The following CNGA3 variants were observed in gnomAD, a reference collection of about 807,000 sequenced individuals.
CNGA3 encodes cyclic nucleotide gated channel subunit alpha 3.
Under a neutral mutation model 46.6 loss-of-function variants are expected in CNGA3, and 42 were observed. The ratio of observed to expected loss-of-function variants is 0.90; its 90% CI spans 0.70 to 1.17. The LOEUF (loss-of-function observed/expected upper bound fraction) is 1.17. Ranked by LOEUF, CNGA3 falls within the 50% of genes most tolerant of loss-of-function variation. The pLI, the probability that CNGA3 is intolerant of heterozygous loss-of-function variation, is 0.00. For missense variants in CNGA3, 893 were observed against 890.7 expected, an observed-to-expected ratio of 1.00 and a Z score of -0.03; for synonymous variants, 394 against 369.4, an observed-to-expected ratio of 1.07 and a Z score of -0.76.
At chr2:98,365,326 C>G (rs1304174396) in intron 1 of CNGA3, among the ~76,000 whole-genome samples, 1 of 152,230 alleles carries the variant, frequency 6.6e-6, no homozygotes, top group East Asian at 1.9e-4. Context: ...CCTGTAATCC[C>G]TGCCCTTAAC....
At chr2:98,348,435 A>G (rs1691693523) in intron 1 of CNGA3, among the ~76,000 whole-genome samples, 1 of 152,220 alleles carries the variant, frequency 6.6e-6, no homozygotes, top group East Asian at 1.9e-4. Context: ...TCCAGTCGCC[A>G]TGGTACCCAG....
At chr2:98,394,957 A>C (rs542651192) in intron 7 of CNGA3, among the ~76,000 whole-genome samples, 1 of 152,260 alleles carries the variant, frequency 6.6e-6, no homozygotes, top group East Asian at 1.9e-4. Context: ...GAATATAACC[A>C]CTGGCCTCAT....
At chr2:98,367,190 T>TTTTTTC in intron 1 of CNGA3, among the ~76,000 whole-genome samples, 1 of 143,400 alleles carries the variant, frequency 7.0e-6, no homozygotes, top group East Asian at 2.0e-4. Flanking sequence ...TTTTTCTTTT[T>TTTTTTC]TTTTTTTTTT....
In CNGA3 at chr2:98,397,026, C is replaced by T. The variant is rs770308610; in HGVS notation, c.1856C>T (p.Ala619Val). ...CTGATCGATGAGGAGCTGGCCAGGG[C>T]GGGCGCGGACCCCAAGGACCTTGAG... is the stretch of plus-strand genomic sequence containing the variant. ...DNLIDEELAR[A>V]GADPKDLEEK... Residue 619 changes from alanine (A) to valine (V), a missense_variant, in exon 8 of 8, where the codon GCG becomes GTG. Ala to Val is a moderately conservative substitution (Grantham distance 64). This residue lies in a region of CNGA3 where 548 missense variants were observed against 570.8 expected (regional missense o/e 0.96). Coordinates refer to ENST00000272602, the MANE Select transcript of CNGA3 (RefSeq NM_001298.3). 2.0e-5 allele frequency: 32 copies of T among 1,613,740 alleles called. No homozygotes were observed. Among genetic ancestry groups the T allele is most frequent in the Middle Eastern group, 1.6e-4 (1 of 6,084 alleles).
intron 1 of CNGA3, among the ~76,000 whole-genome samples, chr2:98,368,463 A>G (rs936809845): frequency 5.9e-5 from 9 of 152,238 alleles, no homozygotes; most frequent in African/African-American, 2.2e-4. Flanking sequence ...TTATCCAAAA[A>G]TCATGGAACT....
chr2:98,371,181 C>T (rs1317672122), intron 2 of CNGA3, among the ~76,000 whole-genome samples: 1 of 152,102 alleles, frequency 6.6e-6, no homozygotes, highest in African/African-American at 2.4e-5. Flanking sequence ...ACTTTCTTTC[C>T]AATGTTTCTG....
intron 2 of CNGA3, among the ~76,000 whole-genome samples, chr2:98,372,671 C>T (rs1692314061): frequency 6.6e-6 from 1 of 152,106 alleles, no homozygotes; most frequent in African/African-American, 2.4e-5. Context: ...ATATTGCCCT[C>T]CTAGGGTTGT....
chr2:98,385,176 C>T (rs1401354929), intron 5 of CNGA3, among the ~76,000 whole-genome samples: 1 of 152,140 alleles, frequency 6.6e-6, no homozygotes, highest in East Asian at 1.9e-4. Flanking sequence ...TAATCCAGGG[C>T]CACAAATCTT....
At chr2:98,394,492 T>C (rs2104242296) in intron 7 of CNGA3, among the ~76,000 whole-genome samples, 1 of 152,352 alleles carries the variant, frequency 6.6e-6, no homozygotes, top group Non-Finnish European at 1.5e-5. Flanking sequence ...ATTATTAATA[T>C]TTTCAAATGT....
At chr2:98,353,063 G>A (rs55749068) in intron 1 of CNGA3, among the ~76,000 whole-genome samples, 17,653 of 152,162 alleles carry the variant, frequency 0.12, 1,232 homozygotes, top group Non-Finnish European at 0.16. Context: ...CACATATTTT[G>A]TAAGTTCTAT....
At chr2:98,378,385 C>T (rs1487276143) in intron 3 of CNGA3, among the ~76,000 whole-genome samples, 2 of 152,198 alleles carry the variant, frequency 1.3e-5, no homozygotes, top group Non-Finnish European at 1.5e-5. Context: ...AGTGCCTACC[C>T]CACAGGTGGC....
intron 1 of CNGA3, chr2:98,347,268 G>C (rs1691654814): frequency 6.6e-6 from 1 of 152,236 alleles, no homozygotes; most frequent in Non-Finnish European, 1.5e-5. Flanking sequence ...GATCTCGGAC[G>C]CCCGGGGCTT....
At chr2:98,387,634 C>T (rs919709111) in intron 5 of CNGA3, among the ~76,000 whole-genome samples, 2 of 152,236 alleles carry the variant, frequency 1.3e-5, no homozygotes, top group Non-Finnish European at 2.9e-5. Flanking sequence ...GCGGACGCTG[C>T]CTGAACCGTC....
rs367821754 is a variant in CNGA3 at position 98,370,093 on chromosome 2, T to C, written c.101+17T>C. 2.6e-4 allele frequency: 413 copies of C among 1,581,724 alleles called. 1 individual carries two copies. In the Middle Eastern group the frequency reaches 4.5e-3, roughly 17 times the overall value. On this transcript the variant is annotated intron_variant, in intron 2 of 7. Transcript: ENST00000272602. ...CCTCAGCAGGTAAGATGGGCTAAGA[T>C]GGGCTTTTCATTTTATGCCTGGCTC...
At position 98,390,067 on chromosome 2, in the gene CNGA3, CT is replaced by C. The variant is rs1255798057; in HGVS notation, c.566+296del. 2.6e-5 allele frequency among the ~76,000 whole-genome samples: 4 copies of C among 151,982 alleles called. No homozygotes were observed. In the East Asian group the frequency reaches 7.7e-4, roughly 29 times the overall value. On this transcript the variant is annotated intron_variant, in intron 6 of 7. Coordinates refer to ENST00000272602, the MANE Select transcript of CNGA3 (RefSeq NM_001298.3). ...GGAGGATGCAGGGGCGGTTGCTTCT[CT>C]TTGGAGGGATAAGTGGGTGGTTCTG...
intron 1 of CNGA3, 36 bp downstream of exon 1, chr2:98,346,570 T>C (rs533048032): frequency 1.6e-4 from 65 of 396,880 alleles, no homozygotes; most frequent in South Asian, 9.6e-4. Flanking sequence ...CTGGAATTTT[T>C]TGGGGGGCGC....
At chr2:98,380,116 T>G in intron 3 of CNGA3, 59 bp from the exon 4 acceptor site, 4 of 1,571,318 alleles carry the variant, frequency 2.5e-6, no homozygotes, top group Non-Finnish European at 3.5e-6. Flanking sequence ...AAGACTGGGG[T>G]TTGGGGGTGT....
Position 98,396,956 on chromosome 2 carries a change from A to G in CNGA3, c.1786A>G (p.Lys596Glu), listed in dbSNP as rs1692934722. 3 of 1,614,106 alleles carry G rather than the reference A, an allele frequency of 1.9e-6. No homozygotes were observed. The East Asian group carries it at 6.7e-5, about 36-fold the overall frequency. The change falls in exon 8 of 8, where the codon AAG becomes GAG. Residue 596 changes from lysine (K) to glutamate (E), a missense_variant. Lys to Glu is a moderately conservative substitution (Grantham distance 56, BLOSUM62 1). This residue lies in a region of CNGA3 where 548 missense variants were observed against 570.8 expected (regional missense o/e 0.96). Transcript: ENST00000272602. The stretch of plus-strand genomic sequence containing the variant: ...CCTCACCGAGTACCCCGAAGCCAAG[A>G]AGGCCCTGGAGGAGAAAGGACGGCA... ...EALTEYPEAK[K>E]ALEEKGRQIL...
chr2:98,362,478 G>A (rs1558805397), intron 1 of CNGA3, among the ~76,000 whole-genome samples: 1 of 151,708 alleles, frequency 6.6e-6, no homozygotes, highest in Non-Finnish European at 1.5e-5. Flanking sequence ...ACTACACCCG[G>A]CCTGCCCACT....
Sources: allele counts gnomAD v4.1 joint callset (sites outside exome capture counted in the v4.1 genomes callset), GRCh38; gene constraint gnomAD v4.1.1; regional missense constraint gnomAD v4.1.1; transcripts MANE v1.5; gene names NCBI Gene and HGNC (gene_info 2026-07-23, HGNC 2026-07-21).